The following ASPRV1 variants were observed in gnomAD, a reference collection of about 807,000 sequenced individuals.
The protein encoded by ASPRV1 is retroviral-like aspartic protease 1.
Under a neutral mutation model 11.0 loss-of-function variants are expected in ASPRV1, and 7 were observed. That is an observed-to-expected ratio of 0.64 (90% confidence interval 0.36 to 1.20). The LOEUF is 1.20. Ranked by LOEUF, ASPRV1 falls within the 50% of genes most tolerant of loss-of-function variation. The probability of loss-of-function intolerance (pLI) is 0.02; values close to 1 mark genes in which losing one functional copy is unlikely to be tolerated. For synonymous variants in ASPRV1, 136 were observed against 138.4 expected (o/e 0.98, Z 0.12); for missense variants, 299 against 320.0 (o/e 0.93, Z 0.50).
chr2:69,963,398 A>T (rs1286499808), upstream of ASPRV1: 3 of 456,728 alleles, frequency 6.6e-6, no homozygotes, highest in Admixed American at 7.0e-5. Flanking sequence ...ACTTTTGCAG[A>T]TAGCTTCCCA....
Position 69,960,532 on chromosome 2 carries a change from G to T in ASPRV1, c.*125C>A, listed in dbSNP as rs541042526. ...GGCCCCTGCAGAGGGAGGCAAAGGGGAGAGAAGAGCAAGAGTTGATAAGCA... is the reference window on the plus strand; with the variant it reads ...GGCCCCTGCAGAGGGAGGCAAAGGGTAGAGAAGAGCAAGAGTTGATAAGCA... On this transcript the variant is annotated 3_prime_UTR_variant, in exon 1 of 1. Coordinates refer to ENST00000320256, the MANE Select transcript of ASPRV1 (RefSeq NM_152792.4). 1.5e-3 allele frequency: 1,527 copies of T among 1,040,164 alleles called. 1 individual carries two copies. Among genetic ancestry groups the T allele is most frequent in the Non-Finnish European group, 1.9e-3 (1,403 of 723,844 alleles). 64.4% of individuals were successfully genotyped at this position (1,040,164 alleles called of 1,614,324 possible).
At chr2:69,961,705 A>G, upstream of ASPRV1, 1 of 1,524,578 alleles carries the variant, frequency 6.6e-7, no homozygotes, top group Non-Finnish European at 8.8e-7. Context: ...TTGTTCTGGA[A>G]GCTCCGCCCC....
At chr2:70,076,689 C>A in the ASPRV1 span, among the ~76,000 whole-genome samples, 2 of 152,282 alleles carry the variant, frequency 1.3e-5, no homozygotes, top group African/African-American at 4.8e-5. Context: ...TTAACATTAG[C>A]CTCTAGCTTG....
upstream of ASPRV1, among the ~76,000 whole-genome samples, chr2:69,963,665 T>C (rs1338988839): frequency 2.0e-5 from 3 of 152,194 alleles, no homozygotes; most frequent in Non-Finnish European, 4.4e-5. Flanking sequence ...AGACTAGAAA[T>C]CGGTGGTCCC....
the ASPRV1 span, among the ~76,000 whole-genome samples, chr2:69,987,236 A>C: frequency 5.5e-4 from 83 of 152,172 alleles, 1 homozygote; most frequent in Middle Eastern, 0.01. Flanking sequence ...CTTTCACTAC[A>C]GCACCAGACA....
At chr2:70,028,328 T>G in the ASPRV1 span, 2 of 152,122 alleles carry the variant, frequency 1.3e-5, no homozygotes, top group East Asian at 3.9e-4. Context: ...TCATTTCAGG[T>G]CTCTCTCCCA....
At chr2:70,024,787 CAG>C in the ASPRV1 span, among the ~76,000 whole-genome samples, 1 of 152,150 alleles carries the variant, frequency 6.6e-6, no homozygotes. Context: ...AACTTCCAGA[CAG>C]AGGAGTTGCA....
the ASPRV1 span, among the ~76,000 whole-genome samples, chr2:69,990,656 T>C: frequency 2.0e-5 from 3 of 152,128 alleles, no homozygotes; most frequent in Admixed American, 2.0e-4. Context: ...GGTCTTACTA[T>C]GTTGCCCAGG....
At chr2:69,937,077 C>T in the ASPRV1 span, 2 of 937,886 alleles carry the variant, frequency 2.1e-6, no homozygotes, top group Non-Finnish European at 3.5e-6. Flanking sequence ...GAGTCACTGG[C>T]CAGTCGACTT....
At chr2:70,025,831 GA>G in the ASPRV1 span, among the ~76,000 whole-genome samples, 2 of 152,196 alleles carry the variant, frequency 1.3e-5, no homozygotes, top group Non-Finnish European at 2.9e-5. Flanking sequence ...CAGGACACTT[GA>G]CCAGGCATGT....
In ASPRV1 at chr2:69,961,304, A is replaced by G; in HGVS notation, c.133T>C (p.Trp45Arg). ...SFEVINDLNH[W>R]DHITKLRFLK... ...AACCTTAGCTTGGTGATATGGTCCC[A>G]ATGGTTGAGGTCATTGATGACTTCA... The change falls in exon 1 of 1, where the codon TGG becomes CGG. Residue 45 changes from tryptophan (W) to arginine (R), a missense_variant. Coordinates refer to ENST00000320256, the MANE Select transcript of ASPRV1 (RefSeq NM_152792.4). 6.2e-7 allele frequency: 1 copy of G among 1,614,096 alleles called. No individual in the cohort carries two copies.
the ASPRV1 span, among the ~76,000 whole-genome samples, chr2:69,947,484 G>A: frequency 2.0e-5 from 3 of 152,102 alleles, no homozygotes; most frequent in African/African-American, 7.2e-5. Context: ...GTAATTTTGT[G>A]AGAACCTGTA....
the ASPRV1 span, among the ~76,000 whole-genome samples, chr2:69,973,049 G>C: frequency 6.6e-6 from 1 of 151,918 alleles, no homozygotes; most frequent in Admixed American, 6.6e-5. Context: ...GTAGTATGCT[G>C]GTAGATGTTT....
chr2:69,936,290 G>T, the ASPRV1 span, among the ~76,000 whole-genome samples: 1 of 152,060 alleles, frequency 6.6e-6, no homozygotes, highest in East Asian at 1.9e-4. Flanking sequence ...ACAGTGGTTT[G>T]TGTGACCATT....
At chr2:70,015,574 G>C in the ASPRV1 span, 1 of 152,124 alleles carries the variant, frequency 6.6e-6, no homozygotes, top group African/African-American at 2.4e-5. Flanking sequence ...CCCACACCAA[G>C]GGACAACTGT....
At chr2:70,072,159 C>T in the ASPRV1 span, among the ~76,000 whole-genome samples, 1 of 151,830 alleles carries the variant, frequency 6.6e-6, no homozygotes, top group African/African-American at 2.4e-5. Flanking sequence ...GCCACATTGG[C>T]CAGTCTGGTC....
chr2:69,947,568 T>A, the ASPRV1 span, among the ~76,000 whole-genome samples: 23 of 152,122 alleles, frequency 1.5e-4, 1 homozygote, highest in African/African-American at 5.6e-4. Flanking sequence ...TCTTTCCTAT[T>A]TTAGTATTTG....
At chr2:70,083,393 A>G in the ASPRV1 span, 2 of 152,226 alleles carry the variant, frequency 1.3e-5, no homozygotes, top group African/African-American at 4.8e-5. Context: ...ACGTGAAAGC[A>G]CTCTGAAAGG....
At chr2:70,014,758 C>G in the ASPRV1 span, 6 of 138,640 alleles carry the variant, frequency 4.3e-5, no homozygotes, top group Admixed American at 5.0e-4. Context: ...CACATTCACG[C>G]CATTGTACTC....
Sources: allele counts gnomAD v4.1 joint callset (sites outside exome capture counted in the v4.1 genomes callset), GRCh38; gene constraint gnomAD v4.1.1; transcripts MANE v1.5; gene names NCBI Gene and HGNC (gene_info 2026-07-23, HGNC 2026-07-21).